KCNQ3: variants seen among roughly 807,000 people sequenced by gnomAD.
The protein encoded by KCNQ3 is potassium voltage-gated channel subfamily Q member 3.
KCNQ3 carries 30 observed loss-of-function variants against 92.5 expected under a neutral mutation model. The observed-to-expected ratio is 0.32, with a 90% CI of 0.24 to 0.44. The LOEUF is 0.44. KCNQ3 is among the 20% of genes least tolerant of loss of function. KCNQ3 has a pLI of 1.00. For synonymous variants in KCNQ3, 450 were observed against 468.8 expected, an observed-to-expected ratio of 0.96 and a Z score of 0.52; for missense variants, 913 against 1,140.3, an observed-to-expected ratio of 0.80 and a Z score of 2.87.
At chr8:132,409,661 G>C (rs146618894) in intron 1 of KCNQ3, among the ~76,000 whole-genome samples, 46 of 152,248 alleles carry the variant, frequency 3.0e-4, no homozygotes, top group African/African-American at 1.1e-3. Flanking sequence ...TGAAAATACT[G>C]GTTGAATACT....
intron 1 of KCNQ3, among the ~76,000 whole-genome samples, chr8:132,293,342 G>A (rs570565519): frequency 6.6e-6 from 1 of 152,234 alleles, no homozygotes; most frequent in South Asian, 2.1e-4. Context: ...TTTGAGGACT[G>A]AGCCCCCAAC....
At chr8:132,146,972 T>C (rs1007088755) in intron 9 of KCNQ3, among the ~76,000 whole-genome samples, 1 of 152,218 alleles carries the variant, frequency 6.6e-6, no homozygotes, top group African/African-American at 2.4e-5. Context: ...TCTGTACTCT[T>C]AAAAATGGTT....
intron 1 of KCNQ3, among the ~76,000 whole-genome samples, chr8:132,413,552 T>C (rs1181102192): frequency 6.6e-6 from 1 of 152,082 alleles, no homozygotes; most frequent in Non-Finnish European, 1.5e-5. Flanking sequence ...TTATCTCCAT[T>C]CCCCATGCCT....
At position 132,170,401 on chromosome 8, in the gene KCNQ3, G is replaced by T. The variant is rs1406722748; in HGVS notation, c.1168C>A (p.Pro390Thr). The change falls in exon 8 of 15, where the codon CCC becomes ACC. Residue 390 changes from proline (P) to threonine (T), a missense_variant. Around this residue, in one of 6 missense-constraint regions of KCNQ3, gnomAD observed 52 missense variants for 127.7 expected, o/e 0.41. Transcript: ENST00000388996. Reference sequence around the variant, plus strand: ...GTCGCCACCAGGTCAATCCTGTTGGGGTTGGTAGCATAATACCTCCAGGCA... The same window carrying T: ...GTCGCCACCAGGTCAATCCTGTTGGTGTTGGTAGCATAATACCTCCAGGCA... ...QAAWRYYATNPNRIDLVATWR... is the reference protein window; with the variant it reads ...QAAWRYYATNTNRIDLVATWR... The T allele has an allele frequency of 1.2e-6, 2 of 1,613,638 alleles. No homozygotes were observed. Among genetic ancestry groups the T allele is most frequent in the Non-Finnish European group, 1.7e-6 (2 of 1,179,878 alleles).
chr8:132,408,413 C>G (rs1474192475), intron 1 of KCNQ3, among the ~76,000 whole-genome samples: 2 of 152,094 alleles, frequency 1.3e-5, no homozygotes, highest in Non-Finnish European at 2.9e-5. Context: ...TTCAATCCAG[C>G]TGGTGTTCGA....
chr8:132,303,856 A>C (rs549696997), intron 1 of KCNQ3, among the ~76,000 whole-genome samples: 117 of 150,460 alleles, frequency 7.8e-4, no homozygotes, highest in African/African-American at 2.5e-3. Context: ...TTATATGTGT[A>C]TATATACACA....
intron 9 of KCNQ3, among the ~76,000 whole-genome samples, chr8:132,143,662 T>C (rs1825366134): frequency 6.6e-6 from 1 of 152,182 alleles, no homozygotes. Context: ...AGGTAATGCA[T>C]GTCGAGTGCT....
Position 132,122,201 on chromosome 8 carries a change from T to A in KCNQ3, c.*7061A>T, listed in dbSNP as rs1327405943. The A allele has an allele frequency of 6.6e-6, 1 of 152,200 alleles. No individual in the cohort carries two copies. Among genetic ancestry groups the A allele is most frequent in the Non-Finnish European group, 1.5e-5 (1 of 68,030 alleles). 9.4% of individuals were successfully genotyped at this position (152,200 alleles called of 1,614,324 possible). A position where few individuals can be genotyped will look rare whatever the true frequency, so the allele number is the denominator to read the frequency against. ...CTTTGACAAGGTCTTGTCTTCAGTT[T>A]CCTCATCTATAAGATGGAGACAATA... On this transcript the variant is annotated 3_prime_UTR_variant, in exon 15 of 15. Transcript: ENST00000388996.
At chr8:132,301,934 C>A (rs10956653) in intron 1 of KCNQ3, among the ~76,000 whole-genome samples, 1 of 151,958 alleles carries the variant, frequency 6.6e-6, no homozygotes, top group African/African-American at 2.4e-5. Flanking sequence ...TAATAGCAAG[C>A]AGTAAATACT....
At chr8:132,454,070 C>T (rs78349479) in intron 1 of KCNQ3, among the ~76,000 whole-genome samples, 4,301 of 152,312 alleles carry the variant, frequency 0.028, 212 homozygotes, top group African/African-American at 0.099. Flanking sequence ...AAACATTTCA[C>T]GCGTGGCTCT....
At chr8:132,135,274 T>TTACTC (rs1563765459) in intron 12 of KCNQ3, among the ~76,000 whole-genome samples, 1 of 152,354 alleles carries the variant, frequency 6.6e-6, no homozygotes, top group East Asian at 1.9e-4. Flanking sequence ...TGGCTGCGTA[T>TTACTC]TACTCTGTGA....
chr8:132,246,117 G>A (rs577924438), intron 1 of KCNQ3, among the ~76,000 whole-genome samples: 2 of 152,290 alleles, frequency 1.3e-5, no homozygotes, highest in Admixed American at 6.5e-5. Context: ...ACGGGGCATG[G>A]CCAGGGGCCC....
At chr8:132,318,844 G>A (rs549763011) in intron 1 of KCNQ3, among the ~76,000 whole-genome samples, 1 of 152,160 alleles carries the variant, frequency 6.6e-6, no homozygotes, top group Admixed American at 6.6e-5. Context: ...TTTTCCTCAG[G>A]AATTTTTACC....
At chr8:132,462,584 A>G (rs1822087191) in intron 1 of KCNQ3, among the ~76,000 whole-genome samples, 1 of 152,232 alleles carries the variant, frequency 6.6e-6, no homozygotes, top group African/African-American at 2.4e-5. Context: ...AGTGAGTGGC[A>G]GTGCTGGAAT....
intron 1 of KCNQ3, among the ~76,000 whole-genome samples, chr8:132,441,018 G>A (rs1821522629): frequency 6.6e-6 from 1 of 152,182 alleles, no homozygotes; most frequent in African/African-American, 2.4e-5. Flanking sequence ...AGAAACTGTG[G>A]AGTGGATTTG....
At chr8:132,209,710 A>G (rs925127133) in intron 1 of KCNQ3, among the ~76,000 whole-genome samples, 3 of 152,210 alleles carry the variant, frequency 2.0e-5, no homozygotes, top group African/African-American at 4.8e-5. Context: ...ATTACAAAGT[A>G]GGCTGTGTGT....
chr8:132,368,276 A>G lies in KCNQ3; in HGVS notation c.386+111871T>C, dbSNP rs1389102287. Among the ~76,000 whole-genome samples the G allele has an allele frequency of 2.6e-5, 4 of 152,200 alleles. No homozygotes were observed. The East Asian group carries it at 7.7e-4, about 29-fold the overall frequency. ...CTATAATAGGAGTGACAGAATCAAC[A>G]TGAATTGAGGACCTCCTCTGTATAC... On this transcript the variant is annotated intron_variant, in intron 1 of 14. Transcript: ENST00000388996.
intron 1 of KCNQ3, among the ~76,000 whole-genome samples, chr8:132,240,449 G>T (rs972608118): frequency 2.0e-5 from 3 of 152,146 alleles, no homozygotes; most frequent in African/African-American, 7.2e-5. Context: ...GTATCCCAAA[G>T]TGCTCGGATT....
At chr8:132,282,829 C>T (rs1212077957) in intron 1 of KCNQ3, among the ~76,000 whole-genome samples, 1 of 152,202 alleles carries the variant, frequency 6.6e-6, no homozygotes, top group Admixed American at 6.5e-5. Context: ...GGGAAACCTG[C>T]ATGTTACATG....
Sources: gnomAD v4.1 joint callset for allele counts (sites outside exome capture counted in the v4.1 genomes callset) on GRCh38, gnomAD v4.1.1 for gene constraint, gnomAD v4.1.1 regional missense constraint, MANE v1.5 for transcripts, NCBI Gene and HGNC (gene_info 2026-07-23, HGNC 2026-07-21) for gene names.